Variants in ATP6V0A1 observed in about 807,000 individuals in gnomAD.
ATP6V0A1 encodes the protein ATPase H+ transporting V0 subunit a1, also known as V-type proton ATPase 116 kDa subunit a 1.
Under a neutral mutation model 105.4 loss-of-function variants are expected in ATP6V0A1, and 43 were observed. The ratio of observed to expected loss-of-function variants is 0.41; its 90% CI spans 0.32 to 0.53. The LOEUF is 0.53. ATP6V0A1 is among the 20% of genes least tolerant of loss of function. The probability of loss-of-function intolerance (pLI) is 0.30; values close to 1 mark genes in which losing one functional copy is unlikely to be tolerated. For missense variants in ATP6V0A1, 676 were observed against 1,051.1 expected (o/e 0.64, Z 4.93); for synonymous variants, 362 against 372.8 (o/e 0.97, Z 0.33).
Position 42,500,931 on chromosome 17 carries a change from A to C in ATP6V0A1, c.1896+8A>C. 1 of 1,602,904 alleles carries C rather than the reference A, an allele frequency of 6.2e-7. No homozygotes were observed. Among genetic ancestry groups the C allele is most frequent in the Non-Finnish European group, 8.5e-7 (1 of 1,169,756 alleles). ...ATGTTGTATTCTGGACAGGTACGTC[A>C]GCCCAGAGGCAGACTGTCTGAGATG... On this transcript the variant is annotated splice_region_variant and intron_variant, in intron 16 of 21. Coordinates refer to ENST00000343619, the MANE Select transcript of ATP6V0A1 (RefSeq NM_001130021.3).
chr17:42,479,888 C>T (rs2089276868), intron 7 of ATP6V0A1, among the ~76,000 whole-genome samples: 1 of 152,164 alleles, frequency 6.6e-6, no homozygotes, highest in Non-Finnish European at 1.5e-5. Flanking sequence ...GAAATGGGGA[C>T]CCTGGATATC....
intron 10 of ATP6V0A1, among the ~76,000 whole-genome samples, chr17:42,487,918 C>G (rs535549512): frequency 7.9e-5 from 12 of 152,208 alleles, no homozygotes; most frequent in Admixed American, 5.2e-4. Flanking sequence ...TATGTGGAGA[C>G]TGCAGTTCAG....
In ATP6V0A1 at chr17:42,469,830, C is replaced by T. The variant is rs555445723; in HGVS notation, c.295-260C>T. Among the ~76,000 whole-genome samples, 45 of 152,152 alleles carry T rather than the reference C, an allele frequency of 3.0e-4. No individual in the cohort carries two copies. In the South Asian group the frequency reaches 7.1e-3, roughly 24 times the overall value. On this transcript the variant is annotated intron_variant, in intron 4 of 21. Coordinates refer to ENST00000343619, the MANE Select transcript of ATP6V0A1 (RefSeq NM_001130021.3). ...GCTAATTTTGTATTTTTAGTAGAGACGTGGTTTCACCATTTTGGTCAGGCT... is the reference window on the plus strand; with the variant it reads ...GCTAATTTTGTATTTTTAGTAGAGATGTGGTTTCACCATTTTGGTCAGGCT...
chr17:42,516,483 C>T (rs1471260565), intron 21 of ATP6V0A1, among the ~76,000 whole-genome samples: 1 of 152,234 alleles, frequency 6.6e-6, no homozygotes, highest in Non-Finnish European at 1.5e-5. Context: ...CCCCCGCAAG[C>T]ACACTTCCTC....
In ATP6V0A1 at chr17:42,487,242, A is replaced by G. The variant is rs1567834987; in HGVS notation, c.898A>G (p.Met300Val). Reference protein sequence around the residue: ...IRVWFIKVRKMKAIYHTLNLC... With the variant: ...IRVWFIKVRKVKAIYHTLNLC... ...TGTCTGGTTCATCAAAGTGCGGAAG[A>G]TGAAGGCCATCTATCACACCCTGAA... The change falls in exon 10 of 22, where the codon ATG becomes GTG. Residue 300 changes from methionine to valine, a missense_variant. By Grantham distance (21) the Met-to-Val change is conservative. Around this residue, in one of 3 missense-constraint regions of ATP6V0A1, gnomAD observed 239 missense variants for 388.4 expected, o/e 0.62. Coordinates refer to ENST00000343619, the MANE Select transcript of ATP6V0A1 (RefSeq NM_001130021.3). The G allele has an allele frequency of 3.1e-6, 5 of 1,614,080 alleles. No homozygotes were observed. Among genetic ancestry groups the G allele is most frequent in the Admixed American group, 1.7e-5 (1 of 59,992 alleles).
intron 11 of ATP6V0A1, among the ~76,000 whole-genome samples, chr17:42,491,177 TG>T (rs1367687463): frequency 2.6e-5 from 4 of 152,208 alleles, no homozygotes; most frequent in Non-Finnish European, 4.4e-5. Flanking sequence ...CCCAAAGTGC[TG>T]GGATTACAGG....
At chr17:42,518,298 G>A (rs757899950) in intron 21 of ATP6V0A1, 3 of 152,236 alleles carry the variant, frequency 2.0e-5, no homozygotes, top group Non-Finnish European at 4.4e-5. Flanking sequence ...GGACAGAATC[G>A]GGGACCAGCT....
chr17:42,494,930 G>A (rs984584267), intron 12 of ATP6V0A1, 104 bp from the exon 13 acceptor site: 10 of 1,259,692 alleles, frequency 7.9e-6, no homozygotes, highest in Non-Finnish European at 1.1e-6. Flanking sequence ...ATCAGGATGG[G>A]GTAAAGTAGT....
chr17:42,501,214 C>A lies in ATP6V0A1; in HGVS notation c.1914C>A (p.Phe638Leu). Residue 638 changes from phenylalanine to leucine, a missense_variant, in exon 17 of 22, where the codon TTC becomes TTA. Phe to Leu is a conservative substitution (Grantham distance 22, BLOSUM62 0). Coordinates refer to ENST00000343619, the MANE Select transcript of ATP6V0A1 (RefSeq NM_001130021.3). Reference sequence around the variant, plus strand: ...CTCTGCAGAAAGGAATTCAGTGTTTCCTGGTAGTGGTTGCACTACTGTGTG... The same window carrying A: ...CTCTGCAGAAAGGAATTCAGTGTTTACTGGTAGTGGTTGCACTACTGTGTG... ...LYSGQKGIQC[F>L]LVVVALLCVP... The A allele has an allele frequency of 6.2e-7, 1 of 1,613,574 alleles. No individual in the cohort carries two copies. Among genetic ancestry groups the A allele is most frequent in the Non-Finnish European group, 8.5e-7 (1 of 1,179,756 alleles).
chr17:42,510,042 G>A (rs904590949), intron 19 of ATP6V0A1: 2 of 149,968 alleles, frequency 1.3e-5, no homozygotes, highest in Non-Finnish European at 2.9e-5. Flanking sequence ...CTGTGAAAAT[G>A]TATTTGTCCC....
At position 42,513,911 on chromosome 17, in the gene ATP6V0A1, C is replaced by T. The variant is rs1177554826; in HGVS notation, c.2181C>T (p.Tyr727=). Residue 727 remains tyrosine, a synonymous_variant, in exon 20 of 22, where the codon TAC becomes TAT. Coordinates refer to ENST00000343619, the MANE Select transcript of ATP6V0A1 (RefSeq NM_001130021.3). ...ACCAGGCCATCCACACCATCGAGTACTGCCTGGGCTGCATCTCCAACACTG... is the reference window on the plus strand; with the variant it reads ...ACCAGGCCATCCACACCATCGAGTATTGCCTGGGCTGCATCTCCAACACTG... The part of the protein sequence containing the change: ...MVHQAIHTIE[Y]CLGCISNTAS... The T allele has an allele frequency of 6.2e-7, 1 of 1,614,218 alleles. No individual in the cohort carries two copies. Among genetic ancestry groups the T allele is most frequent in the East Asian group, 2.2e-5 (1 of 44,880 alleles).
intron 19 of ATP6V0A1, among the ~76,000 whole-genome samples, chr17:42,508,897 G>A (rs909348010): frequency 5.9e-5 from 9 of 152,146 alleles, no homozygotes; most frequent in Non-Finnish European, 1.5e-5. Flanking sequence ...ACTCCTCTTG[G>A]GGGTTAAGTC....
At chr17:42,474,390 T>C (rs1051814872) in intron 5 of ATP6V0A1, among the ~76,000 whole-genome samples, 12 of 152,168 alleles carry the variant, frequency 7.9e-5, no homozygotes, top group Non-Finnish European at 1.2e-4. Flanking sequence ...GAGGTTCTTA[T>C]GCTGCTTTTG....
chr17:42,474,871 A>G (rs2088522659), intron 5 of ATP6V0A1, among the ~76,000 whole-genome samples: 1 of 152,226 alleles, frequency 6.6e-6, no homozygotes, highest in African/African-American at 2.4e-5. Flanking sequence ...AACATATTGA[A>G]TAGTCTTATG....
At chr17:42,459,251 A>G (rs2086111110) in intron 1 of ATP6V0A1, 1 of 152,270 alleles carries the variant, frequency 6.6e-6, no homozygotes, top group African/African-American at 2.4e-5. Flanking sequence ...AGGGTTTCTC[A>G]GTTTGGGGGT....
Position 42,478,490 on chromosome 17 carries a change from G to A in ATP6V0A1, c.534G>A (p.Glu178=). Residue 178 remains glutamate (E), a synonymous_variant, in exon 7 of 22, where the codon GAG becomes GAA. Transcript: ENST00000343619. Reference sequence around the variant, plus strand: ...TCGTGGCTGGTGTCATTAACCGGGAGCGCATCCCTACTTTTGAGCGCATGC... The same window carrying A: ...TCGTGGCTGGTGTCATTAACCGGGAACGCATCCCTACTTTTGAGCGCATGC... ...LGFVAGVINR[E]RIPTFERMLW... 2.5e-6 allele frequency: 4 copies of A among 1,609,826 alleles called. No individual in the cohort carries two copies. The highest frequency in any genetic ancestry group is 3.4e-6 in the Non-Finnish European group (4 of 1,177,510).
intron 18 of ATP6V0A1, 111 bp downstream of exon 18, chr17:42,507,738 T>A: frequency 1.1e-6 from 1 of 930,246 alleles, no homozygotes; most frequent in Non-Finnish European, 1.7e-6. Context: ...AAATACTAAT[T>A]AATATTCAGC....
intron 14 of ATP6V0A1, among the ~76,000 whole-genome samples, chr17:42,497,285 G>C (rs1555611636): frequency 7.1e-6 from 1 of 140,498 alleles, no homozygotes; most frequent in Non-Finnish European, 1.5e-5. Flanking sequence ...GGGTGACAGA[G>C]TGAAGACCCT....
intron 19 of ATP6V0A1, chr17:42,509,787 T>C (rs2146249085): frequency 6.6e-6 from 1 of 152,142 alleles, no homozygotes; most frequent in Middle Eastern, 3.4e-3. Flanking sequence ...TCCCAGGAGG[T>C]TGGACATCCA....
Sources: gnomAD v4.1 joint callset for allele counts (sites outside exome capture counted in the v4.1 genomes callset) on GRCh38, gnomAD v4.1.1 for gene constraint, gnomAD v4.1.1 regional missense constraint, MANE v1.5 for transcripts, NCBI Gene and HGNC (gene_info 2026-07-23, HGNC 2026-07-21) for gene names.